The following PPP1R13B variants were observed in gnomAD, a reference collection of about 807,000 sequenced individuals.
PPP1R13B encodes apoptosis-stimulating of p53 protein 1.
A neutral mutation model predicts 119.8 loss-of-function variants in PPP1R13B; 44 were observed. The ratio of observed to expected loss-of-function variants is 0.37; its 90% CI spans 0.29 to 0.47. PPP1R13B has a LOEUF of 0.47. Among genes scored for constraint, PPP1R13B ranks in the 20% least tolerant of loss-of-function variants. The pLI is 0.99. For synonymous variants in PPP1R13B, 542 were observed against 561.5 expected, an observed-to-expected ratio of 0.97 and a Z score of 0.49; for missense variants, 1,227 against 1,413.5, an observed-to-expected ratio of 0.87 and a Z score of 2.12.
At chr14:103,848,450 C>T, upstream of PPP1R13B, 8 of 985,468 alleles carry the variant, frequency 8.1e-6, no homozygotes, top group Non-Finnish European at 9.6e-6. Context: ...TAAAGGCTGC[C>T]AGGGGGGTAG....
Position 103,784,893 on chromosome 14 carries a change from T to C in PPP1R13B, c.179A>G (p.His60Arg), listed in dbSNP as rs960377764. Reference protein sequence around the residue: ...RGNERPIPFDHMMYEHLQKWG... With the variant: ...RGNERPIPFDRMMYEHLQKWG... ...TTTCTGAAGATGTTCGTACATCATA[T>C]GATCAAAGGGTATGGGACGTTCTAG... Residue 60 changes from histidine to arginine, a missense_variant, in exon 3 of 17, where the codon CAT becomes CGT. Transcript: ENST00000202556. 26 of 1,603,068 alleles carry C rather than the reference T, an allele frequency of 1.6e-5. No homozygotes were observed. In the African/African-American group the frequency reaches 2.1e-4, roughly 13 times the overall value.
chr14:103,743,249 T>C (rs2084303901), intron 9 of PPP1R13B, among the ~76,000 whole-genome samples: 1 of 152,270 alleles, frequency 6.6e-6, no homozygotes. Context: ...GATTTATCTT[T>C]TGACTTCATA....
chr14:103,738,887 T>C lies in PPP1R13B; in HGVS notation c.2729A>G (p.Glu910Gly). The C allele has an allele frequency of 1.2e-6, 2 of 1,613,730 alleles. No individual in the cohort carries two copies. The highest frequency in any genetic ancestry group is 1.7e-6 in the Non-Finnish European group (2 of 1,179,776). Residue 910 changes from glutamate (E) to glycine (G), a missense_variant and splice_region_variant, in exon 13 of 17, where the codon GAG (glutamate) becomes GGG (glycine). Transcript: ENST00000202556. The surrounding 1 kb of genome is among the most constrained non-coding windows in gnomAD (Gnocchi z 5.6). ...CACTGGTCCCCGGCTGCAGCTCACCTCATAGATGATCCTCTGCACCAGATC... is the reference window on the plus strand; with the variant it reads ...CACTGGTCCCCGGCTGCAGCTCACCCCATAGATGATCCTCTGCACCAGATC... Reference protein sequence around the residue: ...EFDLVQRIIYEVEDPSKPNDE... With the variant: ...EFDLVQRIIYGVEDPSKPNDE...
chr14:103,840,070 T>A (rs577424447), intron 1 of PPP1R13B: 27 of 152,336 alleles, frequency 1.8e-4, no homozygotes, highest in African/African-American at 6.5e-4. Flanking sequence ...AACAGCAGCT[T>A]TTGCTTACCA....
In PPP1R13B at chr14:103,735,047, C is replaced by T. The variant is rs748190647; in HGVS notation, c.*107G>A. The stretch of plus-strand genomic sequence containing the variant: ...TGTGGACGCTGTCTGCTAAAGTGAG[C>T]ACCATTAAGACCATTTTCTAGCTGC... On this transcript the variant is annotated 3_prime_UTR_variant, in exon 17 of 17. Coordinates refer to ENST00000202556, the MANE Select transcript of PPP1R13B (RefSeq NM_015316.3). 2.4e-6 allele frequency: 3 copies of T among 1,241,112 alleles called. No homozygotes were observed. The African/African-American group carries it at 4.4e-5, about 18-fold the overall frequency. The allele number at this position is 1,241,112 out of a possible 1,614,324, so 76.9% of individuals were successfully genotyped here.
At chr14:103,751,629 G>C (rs1287936107) in intron 7 of PPP1R13B, among the ~76,000 whole-genome samples, 1 of 152,100 alleles carries the variant, frequency 6.6e-6, no homozygotes, top group Non-Finnish European at 1.5e-5. Context: ...TTTAAGCAAG[G>C]TCATGAGGGT....
intron 1 of PPP1R13B, among the ~76,000 whole-genome samples, chr14:103,798,373 C>T (rs368683638): frequency 1.5e-4 from 23 of 151,994 alleles, no homozygotes; most frequent in African/African-American, 5.1e-4. Flanking sequence ...AGGATGGTCT[C>T]GATCTCCCGA....
At chr14:103,739,632 C>T (rs972224857) in intron 12 of PPP1R13B, among the ~76,000 whole-genome samples, 192 bp downstream of exon 12, 2 of 152,178 alleles carry the variant, frequency 1.3e-5, no homozygotes, top group African/African-American at 2.4e-5. Flanking sequence ...TTTGTGTGGC[C>T]GAGCCCCATT....
Position 103,847,568 on chromosome 14 carries a change from G to T in PPP1R13B, c.-261C>A. 3.0e-6 allele frequency: 3 copies of T among 985,742 alleles called. No individual in the cohort carries two copies. Among genetic ancestry groups the T allele is most frequent in the Non-Finnish European group, 3.6e-6 (3 of 830,396 alleles). 61.1% of individuals were successfully genotyped at this position (985,742 alleles called of 1,614,324 possible). A position where few individuals can be genotyped will look rare whatever the true frequency, so the allele number is the denominator to read the frequency against. On this transcript the variant is annotated 5_prime_UTR_variant, in exon 1 of 17. Coordinates refer to ENST00000202556, the MANE Select transcript of PPP1R13B (RefSeq NM_015316.3). Reference sequence around the variant, plus strand: ...TCAGCCTCAGCCTCAGCCCCAGCCCGACAGCCTGCGGCCCGCCCGCCCGGC... The same window carrying T: ...TCAGCCTCAGCCTCAGCCCCAGCCCTACAGCCTGCGGCCCGCCCGCCCGGC...
chr14:103,738,293 C>T lies in PPP1R13B; in HGVS notation c.2864+386G>A, dbSNP rs552742687. ...CAGCAGCAGAGCTCCCGAAGGCAAA[C>T]GGAATGAACAATGCGACAACCTACA... On this transcript the variant is annotated intron_variant, in intron 14 of 16. Coordinates refer to ENST00000202556, the MANE Select transcript of PPP1R13B (RefSeq NM_015316.3). This position sits in a 1 kb window ranked among gnomAD's most constrained non-coding sequence, Gnocchi z 5.6. 2.5e-5 allele frequency: 7 copies of T among 279,368 alleles called. No homozygotes were observed. Among genetic ancestry groups the T allele is most frequent in the African/African-American group, 8.7e-5 (4 of 45,994 alleles). 17.3% of individuals were successfully genotyped at this position (279,368 alleles called of 1,614,324 possible).
In PPP1R13B at chr14:103,742,987, C is replaced by G; in HGVS notation, c.1151-164G>C. ...CAGCCACATGCACAACTGCTGATCT[C>G]CTCCAGCACCCACAGACCCGTGCAC... On this transcript the variant is annotated intron_variant, in intron 9 of 16. Coordinates refer to ENST00000202556, the MANE Select transcript of PPP1R13B (RefSeq NM_015316.3). This position sits in a 1 kb window ranked among gnomAD's most constrained non-coding sequence, Gnocchi z 4.9. The G allele has an allele frequency of 5.5e-6, 4 of 729,714 alleles. No homozygotes were observed. The South Asian group carries it at 7.1e-5, about 13-fold the overall frequency. 45.2% of individuals were successfully genotyped at this position (729,714 alleles called of 1,614,324 possible). A position where few individuals can be genotyped will look rare whatever the true frequency, so the allele number is the denominator to read the frequency against.
intron 1 of PPP1R13B, among the ~76,000 whole-genome samples, chr14:103,801,216 C>T (rs1258009066): frequency 6.6e-6 from 1 of 152,176 alleles, no homozygotes; most frequent in African/African-American, 2.4e-5. Flanking sequence ...GAGCTCCCCA[C>T]TGCCCAACAC....
chr14:103,784,294 T>C (rs556423029), intron 3 of PPP1R13B, among the ~76,000 whole-genome samples: 3 of 152,046 alleles, frequency 2.0e-5, no homozygotes, highest in Middle Eastern at 3.4e-3. Context: ...AAAAGTGTGA[T>C]GTAATTGGCT....
intron 2 of PPP1R13B, among the ~76,000 whole-genome samples, chr14:103,795,042 C>T (rs912919709): frequency 2.6e-5 from 4 of 152,174 alleles, no homozygotes; most frequent in Non-Finnish European, 5.9e-5. Flanking sequence ...CTCCGGGTTT[C>T]AAGGGATTCT....
Position 103,735,950 on chromosome 14 carries a change from GCT to G in PPP1R13B, c.3231+51_3231+52del, listed in dbSNP as rs2084098143. The G allele has an allele frequency of 1.9e-5, 30 of 1,591,248 alleles. No homozygotes were observed. In the South Asian group the frequency reaches 3.4e-4, roughly 18 times the overall value. ...GCCCCACAGCAGGATAGGACCGCAT[GCT>G]GTACAGAGACACGGGCAGCTAGTTT... On this transcript the variant is annotated intron_variant, in intron 16 of 16. Coordinates refer to ENST00000202556, the MANE Select transcript of PPP1R13B (RefSeq NM_015316.3).
intron 1 of PPP1R13B, among the ~76,000 whole-genome samples, chr14:103,817,683 A>AT (rs1045304233): frequency 1.3e-5 from 2 of 151,998 alleles, no homozygotes; most frequent in African/African-American, 4.8e-5. Flanking sequence ...ATAGCTAATT[A>AT]TTTTTGCTTG....
At chr14:103,761,133 G>A (rs1294923354) in intron 4 of PPP1R13B, among the ~76,000 whole-genome samples, 1 of 152,002 alleles carries the variant, frequency 6.6e-6, no homozygotes, top group East Asian at 1.9e-4. Flanking sequence ...AATTAGCCAG[G>A]AATGGTAGCG....
chr14:103,837,542 CACTT>C (rs1202674511), intron 1 of PPP1R13B, among the ~76,000 whole-genome samples: 2 of 152,040 alleles, frequency 1.3e-5, no homozygotes, highest in South Asian at 4.2e-4. Flanking sequence ...CTCTCACACA[CACTT>C]ACATGTGCAT....
chr14:103,744,691 G>A (rs2084346048), intron 9 of PPP1R13B, among the ~76,000 whole-genome samples: 2 of 152,204 alleles, frequency 1.3e-5, no homozygotes, highest in African/African-American at 4.8e-5. Context: ...TCCATGAGCT[G>A]GTCACTCTGG....
Sources: allele counts gnomAD v4.1 joint callset (sites outside exome capture counted in the v4.1 genomes callset), GRCh38; gene constraint gnomAD v4.1.1; non-coding constraint Gnocchi (gnomAD v3.1); transcripts MANE v1.5; gene names NCBI Gene and HGNC (gene_info 2026-07-23, HGNC 2026-07-21).